Variants in ECPAS observed in about 807,000 individuals in gnomAD.
ECPAS encodes the protein proteasome adapter and scaffold protein ECM29.
In ECPAS, 70 loss-of-function variants were observed where a neutral mutation model predicts 255.1. That is an observed-to-expected ratio of 0.27 (90% CI 0.23 to 0.33). ECPAS has a LOEUF of 0.33. Among genes scored for constraint, ECPAS ranks in the 10% least tolerant of loss-of-function variants. The pLI is 1.00. For missense variants in ECPAS, 1,817 were observed against 2,206.4 expected, an observed-to-expected ratio of 0.82 and a Z score of 3.54; for synonymous variants, 784 against 775.0, an observed-to-expected ratio of 1.01 and a Z score of -0.19.
chr9:111,446,724 A>G (rs2098253522), intron 3 of ECPAS, among the ~76,000 whole-genome samples: 1 of 152,192 alleles, frequency 6.6e-6, no homozygotes, highest in African/African-American at 2.4e-5. Flanking sequence ...CATTTTACAG[A>G]TGAGGAAGCA....
rs954515958 is a variant in ECPAS at position 111,484,185 on chromosome 9, G to A, written c.-152C>T. On this transcript the variant is annotated 5_prime_UTR_variant, in exon 1 of 50. Transcript: ENST00000684092. ...CCGCGAGGTGAGGGCTGTAGAGCGAGGCGTTCGGCGGGCCGGGCCCCGGGG... is the reference window on the plus strand; with the variant it reads ...CCGCGAGGTGAGGGCTGTAGAGCGAAGCGTTCGGCGGGCCGGGCCCCGGGG... 8.1e-6 allele frequency: 12 copies of A among 1,484,070 alleles called. No individual in the cohort carries two copies. In the African/African-American group the frequency reaches 1.6e-4, roughly 20 times the overall value. The allele number at this position is 1,484,070 out of a possible 1,614,324, so 91.9% of individuals were successfully genotyped here.
chr9:111,437,012 A>C lies in ECPAS; in HGVS notation c.636T>G (p.Pro212=). 1 of 1,613,180 alleles carries C rather than the reference A, an allele frequency of 6.2e-7. No individual in the cohort carries two copies. Among genetic ancestry groups the C allele is most frequent in the African/African-American group, 1.3e-5 (1 of 74,996 alleles). ...SGGGSGIPQP[P]PGMSFYAAKR... ...TGGCTGCATAAAAGCTCATTCCCGG[A>C]GGAGGCTGTGGGATTCCAGAACCTC... Residue 212 remains proline, a synonymous_variant, in exon 7 of 50, where the codon CCT becomes CCG. Transcript: ENST00000684092.
At chr9:111,390,562 T>G (rs1219220847) in intron 29 of ECPAS, among the ~76,000 whole-genome samples, 1 of 152,252 alleles carries the variant, frequency 6.6e-6, no homozygotes, top group Non-Finnish European at 1.5e-5. Flanking sequence ...TTTGTTATTT[T>G]GTAAAATGTA....
Position 111,363,679 on chromosome 9 carries a change from A to C in ECPAS, c.5309-20T>G, listed in dbSNP as rs781337487. 4 of 1,188,138 alleles carry C rather than the reference A, an allele frequency of 3.4e-6. No homozygotes were observed. Among genetic ancestry groups the C allele is most frequent in the Non-Finnish European group, 4.9e-6 (4 of 822,570 alleles). The allele number at this position is 1,188,138 out of a possible 1,614,324, so 73.6% of individuals were successfully genotyped here. ...TATTTTCTAAAAAGAAATATCATAC[A>C]GTTCATATGGCCTGCCTGAAAAACA... On this transcript the variant is annotated intron_variant, in intron 48 of 49. Transcript: ENST00000684092.
chr9:111,424,474 G>A (rs10980891), intron 12 of ECPAS, among the ~76,000 whole-genome samples: 1 of 152,154 alleles, frequency 6.6e-6, no homozygotes, highest in Non-Finnish European at 1.5e-5. Flanking sequence ...GTTTAGCTTA[G>A]ACTGGGGAAA....
intron 10 of ECPAS, 126 bp from the exon 11 acceptor site, chr9:111,425,954 A>G: frequency 3.8e-6 from 2 of 532,660 alleles, no homozygotes; most frequent in Non-Finnish European, 6.6e-6. Context: ...TAATGCAGAT[A>G]CACATTATTA....
intron 31 of ECPAS, among the ~76,000 whole-genome samples, chr9:111,387,822 G>GTCAGTGCAGTTATTGAGGGACAGAT (rs2098152396): frequency 7.5e-6 from 1 of 133,750 alleles, no homozygotes; most frequent in African/African-American, 2.9e-5. Flanking sequence ...GAGGGACAGA[G>GTCAGTGCAGTTATTGAGGGACAGAT]TCTCACTCAT....
In ECPAS at chr9:111,362,189, CAAAAACAAA is replaced by C. The variant is rs767041713; in HGVS notation, c.5381-29_5381-21del. 2.0e-4 allele frequency: 279 copies of C among 1,394,792 alleles called. 2 individuals carry two copies. In the South Asian group the frequency reaches 2.5e-3, roughly 12 times the overall value. The allele number at this position is 1,394,792 out of a possible 1,614,324, so 86.4% of individuals were successfully genotyped here. ...TAGATTCTGCATGAAAAAAAAAAAA[CAAAAACAAA>C]AAAAACAAAAAACAAAGCAAAAAGA... is the stretch of plus-strand genomic sequence containing the variant. On this transcript the variant is annotated intron_variant, in intron 49 of 49. Coordinates refer to ENST00000684092, the MANE Select transcript of ECPAS (RefSeq NM_001364929.1).
intron 15 of ECPAS, 28 bp from the exon 16 acceptor site, chr9:111,420,148 C>A: frequency 6.8e-7 from 1 of 1,463,216 alleles, no homozygotes; most frequent in Non-Finnish European, 9.5e-7. Context: ...ATACACAGAC[C>A]ACCCCGATCC....
intron 36 of ECPAS, 32 bp downstream of exon 36, chr9:111,378,548 T>C (rs780127334): frequency 5.0e-6 from 8 of 1,596,524 alleles, no homozygotes; most frequent in Middle Eastern, 1.7e-4. Context: ...TCCCTCATGA[T>C]ACTTACCAAT....
At chr9:111,432,989 T>G (rs1426146526) in intron 8 of ECPAS, among the ~76,000 whole-genome samples, 6 of 152,158 alleles carry the variant, frequency 3.9e-5, no homozygotes, top group Admixed American at 1.3e-4. Flanking sequence ...TAGCCAAAAG[T>G]CTCATTGATT....
intron 10 of ECPAS, among the ~76,000 whole-genome samples, chr9:111,427,581 G>A (rs1315739084): frequency 6.6e-6 from 1 of 152,204 alleles, no homozygotes; most frequent in Non-Finnish European, 1.5e-5. Flanking sequence ...TTTGGAATAT[G>A]TGTACATACA....
intron 29 of ECPAS, among the ~76,000 whole-genome samples, chr9:111,391,497 C>G (rs574756680): frequency 3.3e-5 from 5 of 151,574 alleles, no homozygotes; most frequent in Non-Finnish European, 7.4e-5. Context: ...GAATCTATCG[C>G]TTGAACCCAG....
At chr9:111,421,154 A>G (rs997492662) in intron 15 of ECPAS, among the ~76,000 whole-genome samples, 2 of 152,222 alleles carry the variant, frequency 1.3e-5, no homozygotes, top group Non-Finnish European at 2.9e-5. Context: ...ATAGGACTCC[A>G]TCATAGTAAG....
intron 31 of ECPAS, among the ~76,000 whole-genome samples, chr9:111,386,899 T>A (rs1413006921): frequency 3.3e-5 from 5 of 152,248 alleles, no homozygotes; most frequent in African/African-American, 1.2e-4. Context: ...GAAGATTAGC[T>A]TGGGTACTCT....
chr9:111,428,979 C>A (rs1297455399), intron 9 of ECPAS, among the ~76,000 whole-genome samples: 1 of 152,172 alleles, frequency 6.6e-6, no homozygotes, highest in Non-Finnish European at 1.5e-5. Flanking sequence ...CACCTGTGTT[C>A]TAACGGCATC....
chr9:111,391,315 C>G (rs866336419), intron 29 of ECPAS, among the ~76,000 whole-genome samples: 8 of 152,104 alleles, frequency 5.3e-5, no homozygotes, highest in Non-Finnish European at 7.4e-5. Context: ...CAGTGGCTCA[C>G]GCCTGTAATC....
chr9:111,471,130 G>T (rs566859820), intron 2 of ECPAS, among the ~76,000 whole-genome samples: 1 of 152,150 alleles, frequency 6.6e-6, no homozygotes, highest in Non-Finnish European at 1.5e-5. Flanking sequence ...GCCCTAGAAT[G>T]TTCTTTATTT....
Position 111,385,944 on chromosome 9 carries a change from T to C in ECPAS, c.3527+433A>G, listed in dbSNP as rs146414610. On this transcript the variant is annotated intron_variant, in intron 32 of 49. Coordinates refer to ENST00000684092, the MANE Select transcript of ECPAS (RefSeq NM_001364929.1). ...AATGTAGCCAACAAGAAATATGCTTTTTGGTAGTTTTTTGTTTTGCTTTGT... is the reference window on the plus strand; with the variant it reads ...AATGTAGCCAACAAGAAATATGCTTCTTGGTAGTTTTTTGTTTTGCTTTGT... Among the ~76,000 whole-genome samples, 16 of 152,300 alleles carry C rather than the reference T, an allele frequency of 1.1e-4. No homozygotes were observed. In the East Asian group the frequency reaches 3.1e-3, roughly 29 times the overall value.
Sources: gnomAD v4.1 joint callset for allele counts (sites outside exome capture counted in the v4.1 genomes callset) on GRCh38, gnomAD v4.1.1 for gene constraint, MANE v1.5 for transcripts, NCBI Gene and HGNC (gene_info 2026-07-23, HGNC 2026-07-21) for gene names.